The following FER variants were observed in gnomAD, a reference collection of about 807,000 sequenced individuals.
FER encodes FER tyrosine kinase.
In FER, 63 loss-of-function variants were observed where a neutral mutation model predicts 111.0. The ratio of observed to expected loss-of-function variants is 0.57; its 90% CI spans 0.46 to 0.70. FER has a LOEUF of 0.70. FER is among the 30% of genes least tolerant of loss of function. The pLI, the probability that FER is intolerant of heterozygous loss-of-function variation, is 0.00. For missense variants in FER, 914 were observed against 954.0 expected (o/e 0.96, Z 0.55); for synonymous variants, 327 against 313.9 (o/e 1.04, Z -0.44).
At chr5:109,000,912 G>T (rs1764684825) in intron 13 of FER, among the ~76,000 whole-genome samples, 1 of 152,058 alleles carries the variant, frequency 6.6e-6, no homozygotes, top group African/African-American at 2.4e-5. Context: ...AGAAGAAATG[G>T]ATAAATTCCT....
At chr5:109,141,059 G>A (rs1753470827) in intron 17 of FER, among the ~76,000 whole-genome samples, 1 of 152,134 alleles carries the variant, frequency 6.6e-6, no homozygotes, top group African/African-American at 2.4e-5. Context: ...CTTTATTCAA[G>A]TATAAGACTT....
intron 10 of FER, among the ~76,000 whole-genome samples, chr5:108,904,269 G>A (rs1750438823): frequency 6.6e-6 from 1 of 152,030 alleles, no homozygotes. Context: ...AAATTCTTTT[G>A]AAAAAAAGCA....
chr5:108,910,838 G>A (rs1751449640), intron 10 of FER, among the ~76,000 whole-genome samples: 1 of 151,856 alleles, frequency 6.6e-6, no homozygotes, highest in Admixed American at 6.6e-5. Context: ...TTTTATGGCT[G>A]CATAGTATTC....
At chr5:109,111,540 T>A (rs1749621114) in intron 17 of FER, among the ~76,000 whole-genome samples, 2 of 148,626 alleles carry the variant, frequency 1.3e-5, no homozygotes, top group Admixed American at 6.7e-5. Flanking sequence ...TAATAAAAAA[T>A]TCTGCTTCAT....
intron 1 of FER, among the ~76,000 whole-genome samples, chr5:108,759,487 G>A (rs755453657): frequency 2.0e-4 from 31 of 152,168 alleles, no homozygotes; most frequent in Non-Finnish European, 3.8e-4. Flanking sequence ...ATAGCAACAT[G>A]CCACTTCTCT....
intron 13 of FER, among the ~76,000 whole-genome samples, chr5:109,008,080 G>T (rs150878847): frequency 0.023 from 3,516 of 152,118 alleles, 69 homozygotes; most frequent in Non-Finnish European, 0.032. Flanking sequence ...TGTCTTCTTT[G>T]TGGGCACTTT....
At chr5:108,755,733 G>A (rs1185542676) in intron 1 of FER, among the ~76,000 whole-genome samples, 2 of 151,452 alleles carry the variant, frequency 1.3e-5, no homozygotes, top group African/African-American at 2.4e-5. Flanking sequence ...TGATCCACCC[G>A]CCTTGGCCTC....
intron 5 of FER, among the ~76,000 whole-genome samples, chr5:108,850,867 A>G (rs1402136921): frequency 6.6e-6 from 1 of 152,236 alleles, no homozygotes; most frequent in Non-Finnish European, 1.5e-5. Context: ...TTGGGAGAAT[A>G]AAGAAATAGT....
At chr5:108,999,705 C>CTT (rs1764466239) in intron 13 of FER, among the ~76,000 whole-genome samples, 1 of 71,892 alleles carries the variant, frequency 1.4e-5, no homozygotes, top group African/African-American at 3.8e-5. Flanking sequence ...ACCATTCTTA[C>CTT]TATTTTTTTT....
intron 13 of FER, among the ~76,000 whole-genome samples, chr5:108,963,522 A>G (rs761355049): frequency 2.6e-5 from 4 of 152,198 alleles, no homozygotes; most frequent in Non-Finnish European, 4.4e-5. Context: ...AGATTGTGCC[A>G]CTGCACTCCA....
In FER at chr5:108,808,828, T is replaced by A. The variant is rs537715508; in HGVS notation, c.207+10439T>A. Among the ~76,000 whole-genome samples the A allele has an allele frequency of 1.1e-3, 160 of 152,270 alleles. 1 individual carries two copies. The highest frequency in any genetic ancestry group is 3.6e-3 in the African/African-American group (151 of 41,550). On this transcript the variant is annotated intron_variant, in intron 3 of 19. Transcript: ENST00000281092. ...CTTGCTTGTCCGGAAAATGTTTTAT[T>A]CCTCCTTCACTTACGATGCTTAGTT...
intron 9 of FER, among the ~76,000 whole-genome samples, chr5:108,892,423 T>G (rs568204966): frequency 6.6e-6 from 1 of 152,380 alleles, no homozygotes; most frequent in African/African-American, 2.4e-5. Flanking sequence ...CCAGTGATGA[T>G]GAGCATTTTT....
At chr5:108,829,486 A>G (rs1759813726) in intron 3 of FER, among the ~76,000 whole-genome samples, 1 of 152,120 alleles carries the variant, frequency 6.6e-6, no homozygotes, top group African/African-American at 2.4e-5. Flanking sequence ...AAAAATCAAA[A>G]TAATTAGCTG....
At chr5:108,957,762 G>A (rs1758618578) in intron 12 of FER, among the ~76,000 whole-genome samples, 1 of 151,544 alleles carries the variant, frequency 6.6e-6, no homozygotes, top group African/African-American at 2.4e-5. Flanking sequence ...GCCAGTACAT[G>A]TACCATATAC....
intron 17 of FER, among the ~76,000 whole-genome samples, chr5:109,160,632 C>T (rs1157198646): frequency 2.0e-5 from 3 of 152,118 alleles, no homozygotes; most frequent in Admixed American, 2.0e-4. Context: ...GTTTTCATTA[C>T]TGTTGCCTTT....
intron 13 of FER, among the ~76,000 whole-genome samples, chr5:108,976,639 TAACA>T (rs1246672096): frequency 3.3e-5 from 5 of 152,204 alleles, no homozygotes; most frequent in African/African-American, 1.2e-4. Context: ...ATAACATATT[TAACA>T]CATATTTTGT....
At chr5:108,916,931 T>G (rs1752346562) in intron 10 of FER, among the ~76,000 whole-genome samples, 1 of 152,182 alleles carries the variant, frequency 6.6e-6, no homozygotes, top group Admixed American at 6.5e-5. Flanking sequence ...GTATTAAATC[T>G]AATACAAATT....
At chr5:108,841,722 G>A (rs1761287746) in intron 5 of FER, 1 of 217,462 alleles carries the variant, frequency 4.6e-6, no homozygotes, top group Non-Finnish European at 9.5e-6. Context: ...TGAACCTGCA[G>A]TCTGTTTTGT....
intron 3 of FER, among the ~76,000 whole-genome samples, chr5:108,801,506 G>A (rs1756643786): frequency 6.6e-6 from 1 of 152,180 alleles, no homozygotes; most frequent in South Asian, 2.1e-4. Flanking sequence ...AGTACTGAAC[G>A]TCCATTGTTG....
Sources: gnomAD v4.1 joint callset for allele counts (sites outside exome capture counted in the v4.1 genomes callset) on GRCh38, gnomAD v4.1.1 for gene constraint, MANE v1.5 for transcripts, NCBI Gene and HGNC (gene_info 2026-07-23, HGNC 2026-07-21) for gene names.